Variants in CP observed in about 807,000 individuals in gnomAD.
CP encodes caeruloplasmin.
Under a neutral mutation model 122.4 loss-of-function variants are expected in CP, and 64 were observed. That is an observed-to-expected ratio of 0.52 (90% CI 0.43 to 0.64). CP has a LOEUF of 0.64. Among genes scored for constraint, CP ranks in the 30% least tolerant of loss-of-function variants. CP has a pLI of 0.00. For missense variants in CP, 1,167 were observed against 1,284.4 expected (o/e 0.91, Z 1.40); for synonymous variants, 440 against 436.4 (o/e 1.01, Z -0.10).
Position 149,178,406 on chromosome 3 carries a change from G to T in CP, c.2878+9C>A, listed in dbSNP as rs769666265. ...AGTAGAAAAATTGTTTTAGAATAAT[G>T]TGACATACCATGCATTTTATTGCTT... On this transcript the variant is annotated intron_variant, in intron 16 of 18. Coordinates refer to ENST00000264613, the MANE Select transcript of CP (RefSeq NM_000096.4). 4 of 1,547,200 alleles carry T rather than the reference G, an allele frequency of 2.6e-6. No homozygotes were observed. The Middle Eastern group carries it at 5.1e-4, about 196-fold the overall frequency.
chr3:149,178,954 G>A (rs754018123), intron 15 of CP, among the ~76,000 whole-genome samples: 2 of 152,170 alleles, frequency 1.3e-5, no homozygotes, highest in Non-Finnish European at 2.9e-5. Context: ...ATGAACTCTT[G>A]AGTGTGAGCC....
intron 13 of CP, 44 bp from the exon 14 acceptor site, chr3:149,182,177 CTT>C (rs1412618445): frequency 6.2e-7 from 1 of 1,611,584 alleles, no homozygotes; most frequent in Admixed American, 1.7e-5. Flanking sequence ...GAAGGTCTAA[CTT>C]AGTAATAAAA....
At position 149,187,961 on chromosome 3, in the gene CP, G is replaced by C. The variant is rs41267873; in HGVS notation, c.1864+91C>G. On this transcript the variant is annotated intron_variant, in intron 10 of 18. Transcript: ENST00000264613. ...ATCGTTTATTGAAAAAATAATCAATGAGCAAAGCTCTTCACATTTTGTTTA... is the reference window on the plus strand; with the variant it reads ...ATCGTTTATTGAAAAAATAATCAATCAGCAAAGCTCTTCACATTTTGTTTA... 4,869 of 1,378,216 alleles carry C rather than the reference G, an allele frequency of 3.5e-3. 19 individuals are homozygous for C. Among genetic ancestry groups the C allele is most frequent in the Non-Finnish European group, 4.4e-3 (4,260 of 973,130 alleles). 85.4% of individuals were successfully genotyped at this position (1,378,216 alleles called of 1,614,324 possible). A position where few individuals can be genotyped will look rare whatever the true frequency, so the allele number is the denominator to read the frequency against.
intron 9 of CP, among the ~76,000 whole-genome samples, chr3:149,193,396 T>G (rs879841674): frequency 6.6e-6 from 1 of 152,202 alleles, no homozygotes; most frequent in Admixed American, 6.5e-5. Context: ...ATTCAGATCA[T>G]GAAATACTTT....
chr3:149,209,511 C>T, intron 3 of CP, 127 bp from the exon 4 acceptor site: 1 of 942,210 alleles, frequency 1.1e-6, no homozygotes. Context: ...CAAGTCTGGA[C>T]CAGTCACTCC....
chr3:149,184,028 CTTTTTTT>C (rs869206210), intron 12 of CP, among the ~76,000 whole-genome samples: 7 of 63,564 alleles, frequency 1.1e-4, no homozygotes, highest in Non-Finnish European at 1.7e-4. Context: ...TCACTTACTT[CTTTTTTT>C]TTTTTTTTTT....
intron 14 of CP, chr3:149,179,933 G>A (rs1725670198): frequency 5.0e-6 from 2 of 396,464 alleles, no homozygotes; most frequent in Non-Finnish European, 9.4e-6. Context: ...GCTAGGAGGT[G>A]TGTACTTCAA....
chr3:149,220,648 CATA>C (rs1418695287), intron 1 of CP, among the ~76,000 whole-genome samples: 1 of 151,936 alleles, frequency 6.6e-6, no homozygotes, highest in African/African-American at 2.4e-5. Flanking sequence ...TTCAACTTTA[CATA>C]ATGTTAAAGA....
downstream of CP, among the ~76,000 whole-genome samples, chr3:149,168,696 G>T (rs1459518106): frequency 2.0e-5 from 3 of 152,114 alleles, no homozygotes; most frequent in Non-Finnish European, 4.4e-5. Context: ...AATTAAAGCT[G>T]TATGCTTGTG....
rs187890574 is a variant in CP at position 149,162,883 on chromosome 3, G to A, written c.*14-8C>T. The A allele has an allele frequency of 1.9e-5, 31 of 1,610,212 alleles. No homozygotes were observed. In the East Asian group the frequency reaches 6.9e-4, roughly 36 times the overall value. On this transcript the variant is annotated splice_polypyrimidine_tract_variant and splice_region_variant and intron_variant, in intron 5 of 5. Transcript: ENST00000479771. ...TTGCGAACATCGGAGGATCTGGTAA[G>A]ATAATGGAATAATACCTTAAATTTA...
chr3:149,185,062 A>G, intron 12 of CP, 177 bp downstream of exon 12: 1 of 641,676 alleles, frequency 1.6e-6, no homozygotes, highest in South Asian at 1.9e-5. Flanking sequence ...GGAAATTGAG[A>G]GAAGCGGAAA....
At position 149,199,836 on chromosome 3, in the gene CP, G is replaced by A. The variant is rs1229461924; in HGVS notation, c.1377C>T (p.Asp459=). The A allele has an allele frequency of 6.2e-7, 1 of 1,614,134 alleles. No individual in the cohort carries two copies. The highest frequency in any genetic ancestry group is 1.7e-5 in the Admixed American group (1 of 60,024). The change falls in exon 8 of 19, where the codon GAC becomes GAT. Residue 459 remains aspartate (D), a synonymous_variant. Coordinates refer to ENST00000264613, the MANE Select transcript of CP (RefSeq NM_000096.4). ...TGTTATGGAAGGTTACTCTGATGGT[G>A]TCTCCCACCTCTGCCCAAATGACAG... The part of the protein sequence containing the change: ...LGPVIWAEVG[D]TIRVTFHNKG...
At chr3:149,196,432 A>T (rs1576756742) in intron 9 of CP, among the ~76,000 whole-genome samples, 1 of 152,256 alleles carries the variant, frequency 6.6e-6, no homozygotes, top group Non-Finnish European at 1.5e-5. Context: ...GCAACAAGCA[A>T]CTCTAGTGCC....
At position 149,186,653 on chromosome 3, in the gene CP, G is replaced by A. The variant is rs376272235; in HGVS notation, c.1944C>T (p.Ser648=). The A allele has an allele frequency of 8.4e-5, 135 of 1,613,986 alleles. No homozygotes were observed. The highest frequency in any genetic ancestry group is 1.6e-4 in the Middle Eastern group (1 of 6,082). The change falls in exon 11 of 19, where the codon AGC becomes AGT. Residue 648 remains serine (S), a synonymous_variant. Coordinates refer to ENST00000264613, the MANE Select transcript of CP (RefSeq NM_000096.4). ...KGDSVVWYLF[S]AGNEADVHGI... is the part of the protein sequence containing the mutation. ...CATGTACATCGGCCTCATTTCCGGCGCTGAATAAGTACCACACGACCGAAT... is the reference window on the plus strand; with the variant it reads ...CATGTACATCGGCCTCATTTCCGGCACTGAATAAGTACCACACGACCGAAT...
At chr3:149,199,625 G>T in intron 8 of CP, 87 bp downstream of exon 8, 1 of 1,515,660 alleles carries the variant, frequency 6.6e-7, no homozygotes, top group Non-Finnish European at 9.2e-7. Context: ...GGGAGTTCCT[G>T]CCTTCAGTTT....
At chr3:149,194,251 T>A (rs1227557016) in intron 9 of CP, among the ~76,000 whole-genome samples, 3 of 151,470 alleles carry the variant, frequency 2.0e-5, no homozygotes, top group Admixed American at 6.6e-5. Context: ...TTTTATTTTT[T>A]TTTTTGAGAC....
At chr3:149,195,032 A>G (rs966002446) in intron 9 of CP, among the ~76,000 whole-genome samples, 18 of 152,214 alleles carry the variant, frequency 1.2e-4, no homozygotes, top group African/African-American at 3.6e-4. Flanking sequence ...GTAGATGATA[A>G]AGGCAGCATT....
In CP at chr3:149,185,362, T is replaced by G; in HGVS notation, c.2162A>C (p.Gln721Pro). ...CAGGTAGAAGGTGGAATCCTCAGAC[T>G]GCCGCCTGCATTGGTTCACAGTATA... ...QKYTVNQCRR[Q>P]SEDSTFYLGE... The change falls in exon 12 of 19, where the codon CAG (glutamine) becomes CCG (proline). Residue 721 changes from glutamine (Q) to proline (P), a missense_variant. By Grantham distance (76) the Gln-to-Pro change is moderately conservative. Around this residue, in one of 2 missense-constraint regions of CP, gnomAD observed 525 missense variants for 657.2 expected, o/e 0.80. Coordinates refer to ENST00000264613, the MANE Select transcript of CP (RefSeq NM_000096.4). The G allele has an allele frequency of 6.2e-7, 1 of 1,614,160 alleles. No homozygotes were observed. Among genetic ancestry groups the G allele is most frequent in the Non-Finnish European group, 8.5e-7 (1 of 1,180,016 alleles).
chr3:149,191,676 T>A (rs1280056846), intron 9 of CP, among the ~76,000 whole-genome samples: 1 of 152,076 alleles, frequency 6.6e-6, no homozygotes, highest in Admixed American at 6.5e-5. Flanking sequence ...TAGCATTATT[T>A]ATAGATAATA....
Sources: gnomAD v4.1 joint callset for allele counts (sites outside exome capture counted in the v4.1 genomes callset) on GRCh38, gnomAD v4.1.1 for gene constraint, gnomAD v4.1.1 regional missense constraint, MANE v1.5 for transcripts, NCBI Gene and HGNC (gene_info 2026-07-23, HGNC 2026-07-21) for gene names.